PALS2: variants seen among roughly 807,000 people sequenced by gnomAD.
PALS2 encodes protein PALS2.
In PALS2, 27 loss-of-function variants were observed where a neutral mutation model predicts 61.6. The ratio of observed to expected loss-of-function variants is 0.44; its 90% confidence interval spans 0.32 to 0.60. PALS2 has a LOEUF of 0.60. Ranked by LOEUF, PALS2 falls within the 20% of genes least tolerant of loss-of-function variation. The probability of loss-of-function intolerance (pLI) is 0.05; values close to 1 mark genes in which losing one functional copy is unlikely to be tolerated. For synonymous variants in PALS2, 236 were observed against 218.6 expected (o/e 1.08, Z -0.70); for missense variants, 554 against 639.4 (o/e 0.87, Z 1.44).
rs760331107 is a variant in PALS2, at chr7:24,680,360, A to G, written c.1318-32A>G. 1.0e-5 allele frequency: 16 copies of G among 1,587,758 alleles called. No individual in the cohort carries two copies. In the South Asian group the frequency reaches 1.6e-4, roughly 15 times the overall value. ...AGCAGAATTCTAGTTCTAATATTGT[A>G]TAAATTGGCTTATAATTATTCTTTT... On this transcript the variant is annotated intron_variant, in intron 10 of 11. Coordinates refer to ENST00000222644, the MANE Select transcript of PALS2 (RefSeq NM_001303037.2).
rs746178688 is a variant in PALS2 at position 24,693,703 on chromosome 7, A to C, written c.*6089A>C. ...GTCTCTGTATTCTCTTTTAAAAAGA[A>C]CTGCTGACTGGCTCCTGTCTCTTCA... On this transcript the variant is annotated 3_prime_UTR_variant, in exon 12 of 12. Transcript: ENST00000222644. 3.9e-5 allele frequency: 6 copies of C among 152,188 alleles called. No individual in the cohort carries two copies. Among genetic ancestry groups the C allele is most frequent in the Non-Finnish European group, 1.5e-5 (1 of 68,016 alleles). 9.4% of individuals were successfully genotyped at this position (152,188 alleles called of 1,614,324 possible).
chr7:24,670,300 T>G (rs1204920354), intron 9 of PALS2, among the ~76,000 whole-genome samples: 2 of 152,148 alleles, frequency 1.3e-5, no homozygotes, highest in Admixed American at 6.5e-5. Flanking sequence ...TTGTTGTTTT[T>G]TAAACTAAAG....
chr7:24,642,196 C>T (rs1388924119), intron 3 of PALS2, among the ~76,000 whole-genome samples: 1 of 152,096 alleles, frequency 6.6e-6, no homozygotes, highest in Non-Finnish European at 1.5e-5. Flanking sequence ...TTTTTTTCTT[C>T]CTCATTCCCA....
intron 1 of PALS2, among the ~76,000 whole-genome samples, chr7:24,582,376 T>TGCCA (rs1212761092): frequency 6.6e-6 from 1 of 151,948 alleles, no homozygotes; most frequent in Admixed American, 6.6e-5. Context: ...TCTGGTGATA[T>TGCCA]GGTGAGGGCT....
rs375107282 is a variant in PALS2 at position 24,606,241 on chromosome 7, A to C, written c.-2-17425A>C. Among the ~76,000 whole-genome samples, 15 of 152,330 alleles carry C rather than the reference A, an allele frequency of 9.8e-5. 1 individual carries two copies. Among genetic ancestry groups the C allele is most frequent in the Admixed American group, 7.2e-4 (11 of 15,296 alleles). The stretch of plus-strand genomic sequence containing the variant: ...TAATTCTTTAAATCGTCATCTTATG[A>C]ATCAAGTATTTTCTGCTAGAAATAC... On this transcript the variant is annotated intron_variant, in intron 1 of 11. Coordinates refer to ENST00000222644, the MANE Select transcript of PALS2 (RefSeq NM_001303037.2).
intron 1 of PALS2, among the ~76,000 whole-genome samples, chr7:24,611,915 A>T (rs1784126982): frequency 6.6e-6 from 1 of 151,982 alleles, no homozygotes; most frequent in Admixed American, 6.6e-5. Flanking sequence ...TTATATGTAG[A>T]TACCAGGCTG....
At chr7:24,666,254 A>T (rs961915982) in intron 8 of PALS2, among the ~76,000 whole-genome samples, 165 bp downstream of exon 8, 1 of 152,208 alleles carries the variant, frequency 6.6e-6, no homozygotes, top group Admixed American at 6.5e-5. Flanking sequence ...TAAATTATTT[A>T]AAACCCACAT....
intron 1 of PALS2, among the ~76,000 whole-genome samples, chr7:24,595,678 A>G (rs1783497045): frequency 6.7e-6 from 1 of 149,542 alleles, no homozygotes; most frequent in Non-Finnish European, 1.5e-5. Context: ...AGTGAGGGGA[A>G]ACATAAGCAA....
chr7:24,586,714 A>G (rs1464295749), intron 1 of PALS2, among the ~76,000 whole-genome samples: 3 of 152,168 alleles, frequency 2.0e-5, no homozygotes, highest in African/African-American at 7.2e-5. Flanking sequence ...TTTTAACATG[A>G]TTGGTGTGAT....
intron 11 of PALS2, among the ~76,000 whole-genome samples, chr7:24,681,932 T>C (rs1787957471): frequency 6.6e-6 from 1 of 152,224 alleles, no homozygotes; most frequent in Non-Finnish European, 1.5e-5. Context: ...TAGTGTTTAA[T>C]GTCTTTGCAG....
intron 2 of PALS2, chr7:24,624,002 T>C: frequency 1.7e-6 from 2 of 1,189,680 alleles, no homozygotes; most frequent in Non-Finnish European, 2.3e-6. Context: ...TGACTCTTAG[T>C]TTTGGCGTAA....
At chr7:24,585,081 T>A (rs1783007548) in intron 1 of PALS2, among the ~76,000 whole-genome samples, 1 of 152,184 alleles carries the variant, frequency 6.6e-6, no homozygotes, top group Admixed American at 6.5e-5. Flanking sequence ...TAGTATAGTT[T>A]GAAGTCAGGT....
At chr7:24,607,355 C>T (rs1783937260) in intron 1 of PALS2, among the ~76,000 whole-genome samples, 1 of 151,828 alleles carries the variant, frequency 6.6e-6, no homozygotes, top group Non-Finnish European at 1.5e-5. Flanking sequence ...ATTGCTACAA[C>T]CTGTTTAAAG....
intron 1 of PALS2, chr7:24,588,971 G>T (rs748507890): frequency 1.3e-5 from 2 of 152,086 alleles, no homozygotes; most frequent in Non-Finnish European, 2.9e-5. Flanking sequence ...TATAATTCCA[G>T]TCTGCCTATG....
chr7:24,663,991 C>T (rs560794834), intron 6 of PALS2, among the ~76,000 whole-genome samples: 135 of 152,232 alleles, frequency 8.9e-4, no homozygotes, highest in Non-Finnish European at 1.7e-3. Context: ...TGGGTAATTG[C>T]ATTAAAATAT....
intron 3 of PALS2, among the ~76,000 whole-genome samples, chr7:24,647,151 A>AT (rs761802777): frequency 0.028 from 3,927 of 139,598 alleles, 95 homozygotes; most frequent in African/African-American, 0.062. Flanking sequence ...AATTTAATTA[A>AT]TTTTTTTTTT....
At position 24,649,735 on chromosome 7, in the gene PALS2, G is replaced by A. The variant is rs1786041887; in HGVS notation, c.394G>A (p.Gly132Ser). 6.2e-7 allele frequency: 1 copy of A among 1,609,458 alleles called. No individual in the cohort carries two copies. Among genetic ancestry groups the A allele is most frequent in the East Asian group, 2.2e-5 (1 of 44,480 alleles). ...LLPVDAIRIL[G>S]IHKRAGEPLG... is the part of the protein sequence containing the mutation. ...ACCAGTAGATGCCATTCGTATTCTT[G>A]GTATTCACAAAAGAGCTGGGGAACC... is the stretch of plus-strand genomic sequence containing the variant. The change falls in exon 4 of 12, where the codon GGT (glycine) becomes AGT (serine). Residue 132 changes from glycine to serine, a missense_variant. Transcript: ENST00000222644.
At chr7:24,657,504 C>G (rs1229404046) in intron 5 of PALS2, among the ~76,000 whole-genome samples, 2 of 152,108 alleles carry the variant, frequency 1.3e-5, no homozygotes, top group African/African-American at 4.8e-5. Context: ...TGCCATACTT[C>G]TGTGCACTTT....
chr7:24,595,284 T>G (rs1018642405), intron 1 of PALS2, among the ~76,000 whole-genome samples: 2 of 150,756 alleles, frequency 1.3e-5, no homozygotes, highest in African/African-American at 4.9e-5. Flanking sequence ...TGATAATTTC[T>G]GGATATGCTC....
Sources: gnomAD v4.1 joint callset for allele counts (sites outside exome capture counted in the v4.1 genomes callset) on GRCh38, gnomAD v4.1.1 for gene constraint, MANE v1.5 for transcripts, NCBI Gene and HGNC (gene_info 2026-07-23, HGNC 2026-07-21) for gene names.